Variants in CEACAM3 observed in about 807,000 individuals in gnomAD.
CEACAM3 encodes the protein cell adhesion molecule CEACAM3.
Under a neutral mutation model 30.1 loss-of-function variants are expected in CEACAM3, and 32 were observed. The observed-to-expected ratio is 1.06, with a 90% confidence interval of 0.80 to 1.43. CEACAM3 has a LOEUF of 1.43. CEACAM3 is among the 40% of genes most tolerant of loss of function. The pLI is 0.00. For missense variants in CEACAM3, 290 were observed against 316.3 expected (o/e 0.92, Z 0.63); for synonymous variants, 134 against 127.2 (o/e 1.05, Z -0.36).
rs2073113464 is a variant in CEACAM3 at position 41,797,706 on chromosome 19, A to T, written c.182A>T (p.His61Leu). The stretch of plus-strand genomic sequence containing the variant: ...CTACTTGTCCACAATCTGCCCCAGC[A>T]TCTTTTTGGCTACAGCTGGTACAAA... ...VLLLVHNLPQ[H>L]LFGYSWYKGE... is the part of the protein sequence containing the mutation. Residue 61 changes from histidine (H) to leucine (L), a missense_variant, in exon 2 of 7, where the codon CAT becomes CTT. Physicochemically the swap from His to Leu is moderately conservative, Grantham distance 99 (BLOSUM62 -3). Coordinates refer to ENST00000357396, the MANE Select transcript of CEACAM3 (RefSeq NM_001815.5). 2 of 1,613,968 alleles carry T rather than the reference A, an allele frequency of 1.2e-6. No individual in the cohort carries two copies. The highest frequency in any genetic ancestry group is 8.5e-7 in the Non-Finnish European group (1 of 1,179,998).
intron 2 of CEACAM3, chr19:41,807,340 G>C (rs868995237): frequency 1.2e-6 from 2 of 1,606,806 alleles, no homozygotes; most frequent in African/African-American, 1.3e-5. Flanking sequence ...GTGAAATACC[G>C]AACCCAGTGG....
At chr19:41,802,985 A>T (rs1297290725) in intron 2 of CEACAM3, among the ~76,000 whole-genome samples, 1 of 152,176 alleles carries the variant, frequency 6.6e-6, no homozygotes, top group Non-Finnish European at 1.5e-5. Context: ...GCGTCACTGA[A>T]CACCTGCTCA....
Position 41,811,440 on chromosome 19 carries a change from G to C in CEACAM3, c.*203G>C, listed in dbSNP as rs1475176146. 8.8e-6 allele frequency: 5 copies of C among 569,210 alleles called. No individual in the cohort carries two copies. In the East Asian group the frequency reaches 1.4e-4, roughly 16 times the overall value. The allele number at this position is 569,210 out of a possible 1,614,324, so 35.3% of individuals were successfully genotyped here. On this transcript the variant is annotated 3_prime_UTR_variant, in exon 7 of 7. Transcript: ENST00000357396. The stretch of plus-strand genomic sequence containing the variant: ...CCTGCCCTAGGCCCTGGGTGGGTCA[G>C]GACAAAGGCCTCTCATCACCGCAGA...
At chr19:41,808,424 A>C (rs2073220767) in intron 2 of CEACAM3, among the ~76,000 whole-genome samples, 1 of 152,164 alleles carries the variant, frequency 6.6e-6, no homozygotes, top group Non-Finnish European at 1.5e-5. Flanking sequence ...AAGGCCCCTG[A>C]AAACAGTCAA....
intron 2 of CEACAM3, among the ~76,000 whole-genome samples, chr19:41,805,061 C>T (rs913300594): frequency 2.0e-5 from 3 of 151,784 alleles, no homozygotes; most frequent in African/African-American, 2.4e-5. Flanking sequence ...GATGCTAAAC[C>T]GATACTTGTA....
chr19:41,798,740 C>T (rs1410328866), intron 2 of CEACAM3, among the ~76,000 whole-genome samples: 2 of 152,204 alleles, frequency 1.3e-5, no homozygotes, highest in African/African-American at 4.8e-5. Flanking sequence ...GGCAAATAAG[C>T]ATAGATGCTG....
At chr19:41,798,466 G>T (rs936145687) in intron 2 of CEACAM3, among the ~76,000 whole-genome samples, 14 of 152,182 alleles carry the variant, frequency 9.2e-5, no homozygotes, top group Non-Finnish European at 2.1e-4. Context: ...CTGTCTGAGG[G>T]TCGTGGCTCC....
intron 2 of CEACAM3, among the ~76,000 whole-genome samples, chr19:41,802,327 C>T (rs1395696767): frequency 6.6e-6 from 1 of 152,186 alleles, no homozygotes; most frequent in Non-Finnish European, 1.5e-5. Flanking sequence ...TCAGTTATAA[C>T]AAGTATAAAA....
At chr19:41,806,726 G>A (rs1246107219) in intron 2 of CEACAM3, among the ~76,000 whole-genome samples, 1 of 151,956 alleles carries the variant, frequency 6.6e-6, no homozygotes, top group African/African-American at 2.4e-5. Context: ...TCACTCTGTC[G>A]CCCAGGCTGG....
chr19:41,810,249 A>C (rs2073238133), intron 4 of CEACAM3, 74 bp from the exon 5 acceptor site: 6 of 1,537,748 alleles, frequency 3.9e-6, no homozygotes, highest in Non-Finnish European at 5.3e-6. Flanking sequence ...AGAGCTGAGG[A>C]CCCCCTACGC....
intron 2 of CEACAM3, chr19:41,807,590 G>A: frequency 8.1e-7 from 1 of 1,237,988 alleles, no homozygotes; most frequent in South Asian, 1.5e-5. Flanking sequence ...GGAGGCTCAG[G>A]GTCCACAGCC....
chr19:41,807,034 T>C, intron 2 of CEACAM3: 1 of 1,595,590 alleles, frequency 6.3e-7, no homozygotes, highest in East Asian at 2.3e-5. Context: ...ATAGGAGATG[T>C]TGATTCTGAT....
chr19:41,803,466 GTTTGTTT>G (rs2073171380), intron 2 of CEACAM3, among the ~76,000 whole-genome samples: 4 of 125,578 alleles, frequency 3.2e-5, no homozygotes, highest in African/African-American at 5.8e-5. Flanking sequence ...GTGTTGTTTT[GTTTGTTT>G]TTTTTTTTTT....
intron 1 of CEACAM3, chr19:41,797,225 G>A (rs963629914): frequency 1.5e-5 from 4 of 272,174 alleles, no homozygotes; most frequent in Admixed American, 4.9e-5. Context: ...GATCTAGAAT[G>A]TGAGTTCAGG....
chr19:41,807,386 C>CCTGCACTTTGGGAGGCTGAGGTGGG, intron 2 of CEACAM3: 1 of 1,571,168 alleles, frequency 6.4e-7, no homozygotes, highest in Non-Finnish European at 8.7e-7. Context: ...GCTGAATGTC[C>CCTGCACTTTGGGAGGCTGAGGTGGG]TCTGTATCTT....
intron 2 of CEACAM3, among the ~76,000 whole-genome samples, chr19:41,804,480 C>T (rs537683184): frequency 6.6e-6 from 1 of 152,322 alleles, no homozygotes; most frequent in South Asian, 2.1e-4. Flanking sequence ...CCTAACTCTG[C>T]ACAGGAAATT....
intron 2 of CEACAM3, chr19:41,807,290 C>G: frequency 6.2e-7 from 1 of 1,608,506 alleles, no homozygotes; most frequent in Non-Finnish European, 8.5e-7. Context: ...GACCCTCACT[C>G]TACTCAGTGT....
rs950374030 is a variant in CEACAM3, at chr19:41,798,057, A to G, written c.424+109A>G. 1.1e-5 allele frequency: 17 copies of G among 1,511,582 alleles called. No homozygotes were observed. The East Asian group carries it at 3.2e-4, about 28-fold the overall frequency. 93.6% of individuals were successfully genotyped at this position (1,511,582 alleles called of 1,614,324 possible). On this transcript the variant is annotated intron_variant, in intron 2 of 6. Transcript: ENST00000357396. ...TGGCCCTCTCTGCATTACATTCTGT[A>G]TCAGGGTTTGGACATTTAGTGCAGG... is the stretch of plus-strand genomic sequence containing the variant.
chr19:41,810,523 A>T (rs1246500429), intron 5 of CEACAM3, among the ~76,000 whole-genome samples, 169 bp downstream of exon 5: 1 of 151,632 alleles, frequency 6.6e-6, no homozygotes, highest in Non-Finnish European at 1.5e-5. Context: ...CAGGGTCAGG[A>T]CCACCCACGC....
Sources: gnomAD v4.1 joint callset for allele counts (sites outside exome capture counted in the v4.1 genomes callset) on GRCh38, gnomAD v4.1.1 for gene constraint, MANE v1.5 for transcripts, NCBI Gene and HGNC (gene_info 2026-07-23, HGNC 2026-07-21) for gene names.